Variants in MUC15 observed in about 807,000 individuals in gnomAD.
MUC15 encodes mucin-15.
MUC15 carries 23 observed loss-of-function variants against 24.0 expected under a neutral mutation model. The ratio of observed to expected loss-of-function variants is 0.96; its 90% confidence interval spans 0.69 to 1.36. The LOEUF (loss-of-function observed/expected upper bound fraction) is 1.36. Among genes scored for constraint, MUC15 ranks in the 40% most tolerant of loss-of-function variants. MUC15 has a pLI of 0.00. For synonymous variants in MUC15, 151 were observed against 156.3 expected (o/e 0.97, Z 0.25); for missense variants, 442 against 428.2 (o/e 1.03, Z -0.29).
chr11:26,564,767 A>T, intron 3 of MUC15, among the ~76,000 whole-genome samples: 1 of 98,914 alleles, frequency 1.0e-5, no homozygotes, highest in Non-Finnish European at 2.1e-5. Context: ...ATATATATAT[A>T]TATATATATA....
rs74347211 is a variant in MUC15, at chr11:26,564,986, C to T, written c.775+179G>A. Among the ~76,000 whole-genome samples the T allele has an allele frequency of 9.8e-4, 148 of 151,034 alleles. 3 individuals carry two copies. In the East Asian group the frequency reaches 0.027, roughly 28 times the overall value. Reference sequence around the variant, plus strand: ...AATGACTAGTATATGTTCATTGAAGCCCTAAAACCACTTCACTATTTCTAG... The same window carrying T: ...AATGACTAGTATATGTTCATTGAAGTCCTAAAACCACTTCACTATTTCTAG... On this transcript the variant is annotated intron_variant, in intron 3 of 4. Coordinates refer to ENST00000529533, the MANE Select transcript of MUC15 (RefSeq NM_001135091.2).
At chr11:26,561,326 A>T in intron 4 of MUC15, 101 bp from the exon 5 acceptor site, 3 of 816,944 alleles carry the variant, frequency 3.7e-6, no homozygotes, top group Non-Finnish European at 5.2e-6. Context: ...TGAGAAAATA[A>T]ATATATTTTT....
intron 2 of MUC15, 107 bp downstream of exon 2, chr11:26,566,945 T>A (rs1850612209): frequency 9.6e-7 from 1 of 1,042,724 alleles, no homozygotes; most frequent in Non-Finnish European, 1.3e-6. Context: ...TAGCCTAAAG[T>A]AAACACTTAA....
Position 26,559,477 on chromosome 11 carries a change from G to A in MUC15, c.*1588C>T, listed in dbSNP as rs192827903. 25 of 405,990 alleles carry A rather than the reference G, an allele frequency of 6.2e-5. No homozygotes were observed. Among genetic ancestry groups the A allele is most frequent in the Non-Finnish European group, 1.1e-4 (24 of 226,000 alleles). 25.1% of individuals were successfully genotyped at this position (405,990 alleles called of 1,614,324 possible). On this transcript the variant is annotated 3_prime_UTR_variant, in exon 5 of 5. Coordinates refer to ENST00000529533, the MANE Select transcript of MUC15 (RefSeq NM_001135091.2). ...TATTTATAATCAGAAATGATGGTGG[G>A]GTATAAAGGGAATCAAGAGAGGAGA...
intron 4 of MUC15, 113 bp from the exon 5 acceptor site, chr11:26,561,338 T>G (rs960007351): frequency 1.3e-6 from 1 of 740,864 alleles, no homozygotes; most frequent in African/African-American, 1.9e-5. Context: ...TATATTTTTA[T>G]ATGGGCTTTT....
chr11:26,571,015 GA>G (rs925637958), intron 1 of MUC15, among the ~76,000 whole-genome samples: 4 of 151,846 alleles, frequency 2.6e-5, no homozygotes, highest in Admixed American at 2.0e-4. Context: ...TTTCTTTCAA[GA>G]AAAAAACAAA....
At position 26,561,173 on chromosome 11, in the gene MUC15, A is replaced by G; in HGVS notation, c.978T>C (p.Ser326=). Residue 326 remains serine (S), a synonymous_variant, in exon 5 of 5, where the codon TCT becomes TCC. Coordinates refer to ENST00000529533, the MANE Select transcript of MUC15 (RefSeq NM_001135091.2). ...PEPYDVSFGN[S]SYYNPTLNDS... ...CATTCAAAGTTGGATTGTAGTAGCTAGAATTCCCAAAACTCACATCATAAG... is the reference window on the plus strand; with the variant it reads ...CATTCAAAGTTGGATTGTAGTAGCTGGAATTCCCAAAACTCACATCATAAG... The G allele has an allele frequency of 3.7e-6, 6 of 1,612,688 alleles. No homozygotes were observed. Among genetic ancestry groups the G allele is most frequent in the Non-Finnish European group, 5.1e-6 (6 of 1,179,190 alleles).
At chr11:26,567,224 GA>G in intron 1 of MUC15, 85 bp from the exon 2 acceptor site, 1 of 827,002 alleles carries the variant, frequency 1.2e-6, no homozygotes, top group Non-Finnish European at 1.7e-6. Context: ...GCTTTTAATG[GA>G]AAATTTACTT....
chr11:26,567,403 C>T lies in MUC15; in HGVS notation c.-45-264G>A, dbSNP rs1850633146. Among the ~76,000 whole-genome samples, 3 of 151,880 alleles carry T rather than the reference C, an allele frequency of 2.0e-5. No homozygotes were observed. In the South Asian group the frequency reaches 6.2e-4, roughly 31 times the overall value. Reference sequence around the variant, plus strand: ...TCTTGTATTGTGTGCCATTTCTCAACAGCTCTCTGAAATTTTTACAAATAT... The same window carrying T: ...TCTTGTATTGTGTGCCATTTCTCAATAGCTCTCTGAAATTTTTACAAATAT... On this transcript the variant is annotated intron_variant, in intron 1 of 4. Coordinates refer to ENST00000529533, the MANE Select transcript of MUC15 (RefSeq NM_001135091.2).
chr11:26,563,892 G>C (rs939695335), intron 3 of MUC15, among the ~76,000 whole-genome samples: 1 of 151,554 alleles, frequency 6.6e-6, no homozygotes, highest in Non-Finnish European at 1.5e-5. Context: ...CTTTTCACTC[G>C]GTATCTTATT....
chr11:26,566,317 A>G, intron 2 of MUC15, among the ~76,000 whole-genome samples: 1 of 152,046 alleles, frequency 6.6e-6, no homozygotes, highest in African/African-American at 2.4e-5. Context: ...AATCTATTTA[A>G]GAAAACGCAT....
rs993643912 is a variant in MUC15 at position 26,560,085 on chromosome 11, T to A, written c.*980A>T. 1.9e-5 allele frequency: 5 copies of A among 262,982 alleles called. No individual in the cohort carries two copies. Among genetic ancestry groups the A allele is most frequent in the African/African-American group, 8.8e-5 (4 of 45,426 alleles). 16.3% of individuals were successfully genotyped at this position (262,982 alleles called of 1,614,324 possible). ...AAACATACTAGAATCCAAATTAATC[T>A]TCTTATATTATTGATTATGAAACTG... On this transcript the variant is annotated 3_prime_UTR_variant, in exon 5 of 5. Transcript: ENST00000529533.
chr11:26,559,690 A>C lies in MUC15; in HGVS notation c.*1375T>G. 6.5e-7 allele frequency: 1 copy of C among 1,534,872 alleles called. No individual in the cohort carries two copies. Among genetic ancestry groups the C allele is most frequent in the Non-Finnish European group, 9.0e-7 (1 of 1,108,460 alleles). ...TGGCTTATTATAATCAATTTGCATG[A>C]CTAATATTTCTGTTTGTTTTCTACT... On this transcript the variant is annotated 3_prime_UTR_variant, in exon 5 of 5. Transcript: ENST00000529533.
At chr11:26,568,270 C>A (rs543621851) in intron 1 of MUC15, among the ~76,000 whole-genome samples, 40 of 152,136 alleles carry the variant, frequency 2.6e-4, no homozygotes, top group African/African-American at 7.5e-4. Flanking sequence ...TTATTAATCC[C>A]ACTTTACAGA....
rs757161253 is a variant in MUC15 at position 26,559,714 on chromosome 11, C to T, written c.*1351G>A. ...GACTAATATTTCTGTTTGTTTTCTACTCAGGTGACATATTTGTTCGATAAT... is the reference window on the plus strand; with the variant it reads ...GACTAATATTTCTGTTTGTTTTCTATTCAGGTGACATATTTGTTCGATAAT... On this transcript the variant is annotated 3_prime_UTR_variant, in exon 5 of 5. Transcript: ENST00000529533. 15 of 1,607,876 alleles carry T rather than the reference C, an allele frequency of 9.3e-6. No individual in the cohort carries two copies. Among genetic ancestry groups the T allele is most frequent in the Non-Finnish European group, 1.3e-5 (15 of 1,174,688 alleles).
intron 3 of MUC15, among the ~76,000 whole-genome samples, chr11:26,564,724 CACACACACATATATATATATAT>C (rs1333712515): frequency 3.1e-4 from 18 of 57,370 alleles, no homozygotes; most frequent in African/African-American, 4.0e-4. Flanking sequence ...CACACACACA[CACACACACATATATATATATAT>C]ATATATATAT....
At chr11:26,566,930 A>T in intron 2 of MUC15, 122 bp downstream of exon 2, 1 of 863,492 alleles carries the variant, frequency 1.2e-6, no homozygotes, top group Non-Finnish European at 1.6e-6. Context: ...ACTCTAAACA[A>T]GATCTAGCCT....
chr11:26,567,891 C>T lies in MUC15; in HGVS notation c.-45-752G>A, dbSNP rs12295109. Among the ~76,000 whole-genome samples, 781 of 151,992 alleles carry T rather than the reference C, an allele frequency of 5.1e-3. 8 individuals carry two copies. Among genetic ancestry groups the T allele is most frequent in the African/African-American group, 0.017 (724 of 41,502 alleles). On this transcript the variant is annotated intron_variant, in intron 1 of 4. Coordinates refer to ENST00000529533, the MANE Select transcript of MUC15 (RefSeq NM_001135091.2). The stretch of plus-strand genomic sequence containing the variant: ...CACAAACATAATGCACTGCTTGAAA[C>T]ACCAGTTGTATTGTGTGATTTCATG...
chr11:26,560,987 A>G lies in MUC15; in HGVS notation c.*78T>C. ...AATCCACGTGACAGTAATTTTGTGTAACCTTTTGAAAGATGAATTTGTCAA... is the reference window on the plus strand; with the variant it reads ...AATCCACGTGACAGTAATTTTGTGTGACCTTTTGAAAGATGAATTTGTCAA... On this transcript the variant is annotated 3_prime_UTR_variant, in exon 5 of 5. Coordinates refer to ENST00000529533, the MANE Select transcript of MUC15 (RefSeq NM_001135091.2). 1 of 1,416,822 alleles carries G rather than the reference A, an allele frequency of 7.1e-7. No individual in the cohort carries two copies. The highest frequency in any genetic ancestry group is 9.6e-7 in the Non-Finnish European group (1 of 1,038,370). The allele number at this position is 1,416,822 out of a possible 1,614,324, so 87.8% of individuals were successfully genotyped here.
Sources: allele counts gnomAD v4.1 joint callset (sites outside exome capture counted in the v4.1 genomes callset), GRCh38; gene constraint gnomAD v4.1.1; transcripts MANE v1.5; gene names NCBI Gene and HGNC (gene_info 2026-07-23, HGNC 2026-07-21).